CLCN3: variants seen among roughly 807,000 people sequenced by gnomAD.
CLCN3 encodes the protein Cl-/H+ antiporter 3, also known as H(+)/Cl(-) exchange transporter 3.
CLCN3 carries 16 observed loss-of-function variants against 83.4 expected under a neutral mutation model. That is an observed-to-expected ratio of 0.19 (90% CI 0.13 to 0.29). The LOEUF (loss-of-function observed/expected upper bound fraction) is 0.29. Ranked by LOEUF, CLCN3 falls within the 10% of genes least tolerant of loss-of-function variation. The pLI is 1.00. For missense variants in CLCN3, 544 were observed against 1,006.0 expected (o/e 0.54, Z 6.21); for synonymous variants, 322 against 346.2 (o/e 0.93, Z 0.78).
chr4:169,679,946 G>A (rs1360869299), intron 2 of CLCN3, 104 bp from the exon 3 acceptor site: 6 of 894,824 alleles, frequency 6.7e-6, no homozygotes, highest in South Asian at 4.2e-5. Flanking sequence ...GGGAGAGGGA[G>A]AGGGATTATT....
chr4:169,667,231 A>C (rs1363541584), intron 2 of CLCN3, among the ~76,000 whole-genome samples: 1 of 152,152 alleles, frequency 6.6e-6, no homozygotes, highest in East Asian at 1.9e-4. Flanking sequence ...TTGTCCCAGC[A>C]TCATTTATTC....
At chr4:169,637,431 T>C (rs1189832435) in intron 2 of CLCN3, among the ~76,000 whole-genome samples, 2 of 152,056 alleles carry the variant, frequency 1.3e-5, no homozygotes, top group African/African-American at 2.4e-5. Context: ...GGCAGGAGGA[T>C]TGCTCGAGGC....
At chr4:169,635,533 T>G (rs189330386) in intron 1 of CLCN3, among the ~76,000 whole-genome samples, 1 of 152,158 alleles carries the variant, frequency 6.6e-6, no homozygotes, top group Non-Finnish European at 1.5e-5. Context: ...TTACACCTGA[T>G]AAAATATTCA....
At chr4:169,634,310 A>G (rs1251285637) in intron 1 of CLCN3, among the ~76,000 whole-genome samples, 1 of 152,196 alleles carries the variant, frequency 6.6e-6, no homozygotes, top group Non-Finnish European at 1.5e-5. Flanking sequence ...AAGCCCTTCT[A>G]TTCTGTAAAG....
intron 9 of CLCN3, among the ~76,000 whole-genome samples, chr4:169,698,374 A>G (rs757766108): frequency 3.7e-4 from 56 of 151,962 alleles, no homozygotes; most frequent in Admixed American, 1.2e-3. Flanking sequence ...AATCACGCAT[A>G]CTGTGTCTCT....
intron 12 of CLCN3, among the ~76,000 whole-genome samples, chr4:169,718,510 G>A (rs1733510890): frequency 6.6e-6 from 1 of 152,148 alleles, no homozygotes; most frequent in South Asian, 2.1e-4. Flanking sequence ...CCTAGATTAT[G>A]TGTGTGCCCC....
intron 1 of CLCN3, among the ~76,000 whole-genome samples, chr4:169,634,200 T>C (rs1274338872): frequency 1.3e-5 from 2 of 152,230 alleles, no homozygotes; most frequent in South Asian, 2.1e-4. Flanking sequence ...AATTTGCTGA[T>C]TGAAGTATTA....
chr4:169,689,917 T>G (rs879768419), intron 5 of CLCN3, among the ~76,000 whole-genome samples: 2 of 152,106 alleles, frequency 1.3e-5, no homozygotes, highest in Non-Finnish European at 2.9e-5. Context: ...TTCCACTGTT[T>G]CCAAAAAGTG....
chr4:169,717,864 C>T (rs1265272957), intron 12 of CLCN3: 2 of 1,607,330 alleles, frequency 1.2e-6, no homozygotes, highest in Middle Eastern at 1.7e-4. Context: ...ACGTCGAACC[C>T]TTGGTGATTA....
rs576911560 is a variant in CLCN3 at position 169,717,992 on chromosome 4, A to G, written c.2367-1915A>G. 1.5e-4 allele frequency: 86 copies of G among 563,192 alleles called. 2 individuals carry two copies. Among genetic ancestry groups the G allele is most frequent in the South Asian group, 2.3e-4 (8 of 34,270 alleles). 34.9% of individuals were successfully genotyped at this position (563,192 alleles called of 1,614,324 possible). A position where few individuals can be genotyped will look rare whatever the true frequency, so the allele number is the denominator to read the frequency against. ...ACAAAAATATCCTACTATGCTGCCA[A>G]TTACATTTGTATCTGATAAAATGTG... On this transcript the variant is annotated intron_variant, in intron 12 of 12. Coordinates refer to ENST00000513761, the MANE Select transcript of CLCN3 (RefSeq NM_001829.4).
At chr4:169,641,967 A>G (rs762192718) in intron 2 of CLCN3, among the ~76,000 whole-genome samples, 21 of 152,268 alleles carry the variant, frequency 1.4e-4, no homozygotes, top group Middle Eastern at 3.2e-3. Context: ...AGGGATAAAC[A>G]GAATTCAATC....
At chr4:169,651,626 G>T (rs1730733787) in intron 2 of CLCN3, among the ~76,000 whole-genome samples, 1 of 152,108 alleles carries the variant, frequency 6.6e-6, no homozygotes, top group Non-Finnish European at 1.5e-5. Flanking sequence ...GTAAATAGTT[G>T]TGCTACTGTA....
rs1429883509 is a variant in CLCN3 at position 169,697,374 on chromosome 4, G to A, written c.1203G>A (p.Gly401=). ...FPFILLGVFG[G]LWGAFFIRAN... ...TTATTCTTCTAGGGGTATTTGGAGG[G>A]CTTTGGGGAGCCTTTTTCATTAGGG... is the stretch of plus-strand genomic sequence containing the variant. Residue 401 remains glycine (G), a synonymous_variant, in exon 9 of 13, where the codon GGG becomes GGA. Transcript: ENST00000513761. 3.1e-6 allele frequency: 5 copies of A among 1,613,914 alleles called. No homozygotes were observed. The highest frequency in any genetic ancestry group is 4.2e-6 in the Non-Finnish European group (5 of 1,180,020).
chr4:169,710,556 A>G (rs1286779052), intron 11 of CLCN3, among the ~76,000 whole-genome samples: 1 of 152,208 alleles, frequency 6.6e-6, no homozygotes, highest in Non-Finnish European at 1.5e-5. Flanking sequence ...GTGAGCCACC[A>G]CACCTGGCGA....
chr4:169,627,057 C>T (rs560452102), intron 1 of CLCN3, among the ~76,000 whole-genome samples: 1 of 152,142 alleles, frequency 6.6e-6, no homozygotes, highest in Non-Finnish European at 1.5e-5. Flanking sequence ...TACTAAAATT[C>T]ATGTCTGATC....
intron 9 of CLCN3, among the ~76,000 whole-genome samples, chr4:169,701,244 C>T (rs990243752): frequency 5.3e-5 from 8 of 152,190 alleles, no homozygotes; most frequent in Non-Finnish European, 1.2e-4. Flanking sequence ...TTTGCTCATC[C>T]ATAAGAAGTA....
chr4:169,649,693 T>C (rs1730678943), intron 2 of CLCN3, among the ~76,000 whole-genome samples: 1 of 152,234 alleles, frequency 6.6e-6, no homozygotes, highest in Non-Finnish European at 1.5e-5. Flanking sequence ...AGCTTAATCA[T>C]TTTTAATGGT....
At chr4:169,708,402 C>T (rs1733072582) in intron 11 of CLCN3, among the ~76,000 whole-genome samples, 1 of 152,190 alleles carries the variant, frequency 6.6e-6, no homozygotes, top group Non-Finnish European at 1.5e-5. Flanking sequence ...CAAGGCCTAG[C>T]ATTCCCATCA....
chr4:169,694,182 A>G (rs6823311), intron 7 of CLCN3, among the ~76,000 whole-genome samples: 68,192 of 152,146 alleles, frequency 0.45, 17,661 homozygotes, highest in East Asian at 0.76. Context: ...TTTGATTAAA[A>G]CAAATATTTA....
Sources: gnomAD v4.1 joint callset for allele counts (sites outside exome capture counted in the v4.1 genomes callset) on GRCh38, gnomAD v4.1.1 for gene constraint, MANE v1.5 for transcripts, NCBI Gene and HGNC (gene_info 2026-07-23, HGNC 2026-07-21) for gene names.